The following CENPI variants were observed in gnomAD, a reference collection of about 807,000 sequenced individuals.
CENPI encodes centromere protein I.
Under a neutral mutation model 60.4 loss-of-function variants are expected in CENPI, and 4 were observed. The observed-to-expected ratio is 0.07, with a 90% CI of 0.03 to 0.15. CENPI has a LOEUF of 0.15. CENPI is among the 10% of genes least tolerant of loss of function. The probability of loss-of-function intolerance (pLI) is 1.00; values close to 1 mark genes in which losing one functional copy is unlikely to be tolerated. For synonymous variants in CENPI, 157 were observed against 189.4 expected, an observed-to-expected ratio of 0.83 and a Z score of 1.40; for missense variants, 444 against 534.5, an observed-to-expected ratio of 0.83 and a Z score of 1.67.
rs1259923342 is a variant in CENPI at position 101,099,085 on chromosome X, T to TCTCC, written c.-14+557_-14+560dup. 3.2e-4 allele frequency among the ~76,000 whole-genome samples: 36 copies of TCTCC among 111,411 alleles called. No homozygotes were observed. The East Asian group carries it at 6.7e-3, about 21-fold the overall frequency. ...TTCTGTCTCTGTCTGTCTCTCTCTC[T>TCTCC]CTCCCTCCCTCCCTTTCTTTCTTTC... On this transcript the variant is annotated intron_variant, in intron 2 of 21. Transcript: ENST00000682095.
chrX:101,140,995 A>G (rs913369750), intron 16 of CENPI: 4 of 273,184 alleles, frequency 1.5e-5, no homozygotes, highest in Non-Finnish European at 2.6e-5. Context: ...GACTTCTTTC[A>G]AGAGTTAATA....
At chrX:101,175,463 TAAG>T in the CENPI span, among the ~76,000 whole-genome samples, 1 of 111,720 alleles carries the variant, frequency 9.0e-6, no homozygotes, top group Non-Finnish European at 1.9e-5. Flanking sequence ...GGGAAGAAAA[TAAG>T]AAAGAAAATG....
intron 6 of CENPI, among the ~76,000 whole-genome samples, chrX:101,116,875 T>C (rs1233881215): frequency 8.9e-6 from 1 of 111,831 alleles, no homozygotes; most frequent in Non-Finnish European, 1.9e-5. Flanking sequence ...ATTATAGCCA[T>C]GCTAGTAGGT....
In CENPI at chrX:101,147,784, C is replaced by T. The variant is rs143412234; in HGVS notation, c.1848C>T (p.Ala616=). 72 of 1,201,337 alleles carry T rather than the reference C, an allele frequency of 6.0e-5. No homozygotes were observed. The African/African-American group carries it at 8.1e-4, about 14-fold the overall frequency. Residue 616 remains alanine (A), a synonymous_variant, in exon 19 of 22, where the codon GCC becomes GCT. Coordinates refer to ENST00000682095, the MANE Select transcript of CENPI (RefSeq NM_001386188.2). Reference sequence around the variant, plus strand: ...TTAGATATCGTAAAAATTTGACTGCCGCAAAGAAAAATGAGTTGGTACAAA... The same window carrying T: ...TTAGATATCGTAAAAATTTGACTGCTGCAAAGAAAAATGAGTTGGTACAAA... The part of the protein sequence containing the change: ...IMHRYRKNLT[A]AKKNELVQKT...
In CENPI at chrX:101,147,999, G is replaced by A. The variant is rs2089976488; in HGVS notation, c.1932G>A (p.Leu644=). 8.3e-7 allele frequency: 1 copy of A among 1,200,753 alleles called. No homozygotes were observed. Among genetic ancestry groups the A allele is most frequent in the South Asian group, 1.8e-5 (1 of 54,320 alleles). Residue 644 remains leucine (L), a synonymous_variant, in exon 20 of 22, where the codon TTG becomes TTA. Coordinates refer to ENST00000682095, the MANE Select transcript of CENPI (RefSeq NM_001386188.2). ...CTTATCAAGAATTTAATCACTATTT[G>A]ACATCAATGGTTGGTTGCCTGTGGA... ...SKTYQEFNHY[L]TSMVGCLWTS...
In CENPI at chrX:101,162,473, A is replaced by AAT. The variant is rs1556409815; in HGVS notation, c.2137-342_2137-341dup. On this transcript the variant is annotated intron_variant, in intron 21 of 21. Coordinates refer to ENST00000682095, the MANE Select transcript of CENPI (RefSeq NM_001386188.2). The stretch of plus-strand genomic sequence containing the variant: ...CGTATCTCAAAAAAAAAAAAAAAAA[A>AAT]ATATATATATATATATATAATTATC... Among the ~76,000 whole-genome samples, 324 of 68,087 alleles carry AAT rather than the reference A, an allele frequency of 4.8e-3. 3 individuals are homozygous for AAT. The highest frequency in any genetic ancestry group is 6.2e-3 in the Non-Finnish European group (242 of 38,957). 59.1% of individuals were successfully genotyped at this position (68,087 alleles called of 115,157 possible). A position where few individuals can be genotyped will look rare whatever the true frequency, so the allele number is the denominator to read the frequency against.
intron 2 of CENPI, chrX:101,100,794 A>G (rs1176787530): frequency 3.1e-6 from 1 of 326,843 alleles, no homozygotes; most frequent in Non-Finnish European, 5.3e-6. Context: ...TGTTGCCTGT[A>G]CTCTTACTGG....
intron 16 of CENPI, among the ~76,000 whole-genome samples, chrX:101,144,119 G>A (rs1291850280): frequency 1.6e-5 from 1 of 62,972 alleles, no homozygotes; most frequent in African/African-American, 7.3e-5. Context: ...ACAGGGTCTT[G>A]TTCTGTTGCT....
chrX:101,176,004 C>G, the CENPI span, among the ~76,000 whole-genome samples: 1 of 111,584 alleles, frequency 9.0e-6, no homozygotes, highest in Non-Finnish European at 1.9e-5. Context: ...ATAAGGTCAA[C>G]TTTATTAGCT....
At chrX:101,103,198 C>T (rs1246960407) in intron 4 of CENPI, among the ~76,000 whole-genome samples, 1 of 100,166 alleles carries the variant, frequency 1.0e-5, no homozygotes, top group East Asian at 3.3e-4. Flanking sequence ...GTTTCACCAT[C>T]TTGGGCAGAC....
At chrX:101,173,938 T>C in the CENPI span, among the ~76,000 whole-genome samples, 2 of 111,083 alleles carry the variant, frequency 1.8e-5, no homozygotes, top group African/African-American at 6.5e-5. Flanking sequence ...GCAAAAAACA[T>C]GAACAGATGC....
At chrX:101,132,509 A>G in intron 15 of CENPI, 53 bp downstream of exon 15, 1 of 991,285 alleles carries the variant, frequency 1.0e-6, no homozygotes, top group East Asian at 3.0e-5. Flanking sequence ...TTCTATTGCT[A>G]GTGGTACACA....
At chrX:101,122,671 T>C (rs974142404) in intron 8 of CENPI, among the ~76,000 whole-genome samples, 4 of 109,897 alleles carry the variant, frequency 3.6e-5, no homozygotes, top group Non-Finnish European at 5.7e-5. Flanking sequence ...AGGTCAGGAG[T>C]TCGAGACCAT....
At chrX:101,099,534 C>T (rs2089387354) in intron 2 of CENPI, among the ~76,000 whole-genome samples, 1 of 110,137 alleles carries the variant, frequency 9.1e-6, no homozygotes, top group South Asian at 3.8e-4. Flanking sequence ...GCTGCTGTTT[C>T]TTTAACACAT....
At chrX:101,144,005 T>C in intron 16 of CENPI, among the ~76,000 whole-genome samples, 1 of 111,367 alleles carries the variant, frequency 9.0e-6, no homozygotes, top group Admixed American at 9.7e-5. Context: ...TTGATTTGGT[T>C]GGGATAAATT....
intron 4 of CENPI, among the ~76,000 whole-genome samples, chrX:101,106,050 G>A (rs2089480307): frequency 9.0e-6 from 1 of 110,845 alleles, no homozygotes. Context: ...AGGTATGGTA[G>A]AAATGTCATC....
chrX:101,103,748 T>G (rs986519858), intron 4 of CENPI, among the ~76,000 whole-genome samples: 2 of 112,276 alleles, frequency 1.8e-5, no homozygotes, highest in African/African-American at 6.5e-5. Context: ...ATGGGTTTTT[T>G]TGTGTGTGTG....
chrX:101,130,849 A>G (rs774567640), intron 13 of CENPI, among the ~76,000 whole-genome samples: 127 of 111,879 alleles, frequency 1.1e-3, no homozygotes, highest in African/African-American at 3.9e-3. Flanking sequence ...TCCTTGTTCT[A>G]TGTGCTCCCA....
At chrX:101,166,219 G>A (rs908933205), downstream of CENPI, among the ~76,000 whole-genome samples, 2 of 111,112 alleles carry the variant, frequency 1.8e-5, no homozygotes, top group African/African-American at 6.5e-5. Flanking sequence ...GCAGCGGCCT[G>A]ATCTCAGCTC....
Sources: gnomAD v4.1 joint callset for allele counts (sites outside exome capture counted in the v4.1 genomes callset) on GRCh38, gnomAD v4.1.1 for gene constraint, MANE v1.5 for transcripts, NCBI Gene and HGNC (gene_info 2026-07-23, HGNC 2026-07-21) for gene names.